Variants in MSRA observed in about 807,000 individuals in gnomAD.
MSRA encodes methionine sulfoxide reductase A, also known as mitochondrial peptide methionine sulfoxide reductase.
Under a neutral mutation model 31.3 loss-of-function variants are expected in MSRA, and 54 were observed. The ratio of observed to expected loss-of-function variants is 1.73; its 90% confidence interval spans 1.39 to 2.17. The LOEUF (loss-of-function observed/expected upper bound fraction) is 2.17, where lower values mean the gene tolerates loss of function less well. Ranked by LOEUF, MSRA falls within the 30% of genes most tolerant of loss-of-function variation. MSRA has a pLI of 0.00. For missense variants in MSRA, 507 were observed against 300.9 expected (o/e 1.69, Z -5.07); for synonymous variants, 169 against 116.5 (o/e 1.45, Z -2.90).
At chr8:10,243,928 A>T (rs1488350475) in intron 2 of MSRA, among the ~76,000 whole-genome samples, 1 of 152,112 alleles carries the variant, frequency 6.6e-6, no homozygotes, top group Non-Finnish European at 1.5e-5. Flanking sequence ...CCTATTTTTG[A>T]TTAACACATT....
At chr8:10,320,027 A>T (rs1419245469) in intron 5 of MSRA, 38 bp downstream of exon 5, 2 of 1,403,348 alleles carry the variant, frequency 1.4e-6, no homozygotes, top group Non-Finnish European at 2.0e-6. Flanking sequence ...GGCTTAGGCC[A>T]CCATGACTAG....
intron 2 of MSRA, among the ~76,000 whole-genome samples, chr8:10,231,090 C>T (rs142274441): frequency 1.5e-3 from 235 of 152,070 alleles, no homozygotes; most frequent in African/African-American, 5.4e-3. Flanking sequence ...CCAGCCTGTT[C>T]TGTAGTTTTA....
At chr8:10,106,780 A>G (rs1799909558) in intron 1 of MSRA, among the ~76,000 whole-genome samples, 1 of 152,060 alleles carries the variant, frequency 6.6e-6, no homozygotes, top group South Asian at 2.1e-4. Context: ...ACCCTTGGGA[A>G]TGTGTCCTTA....
At chr8:10,421,431 T>A (rs1162870186) in intron 5 of MSRA, among the ~76,000 whole-genome samples, 11 of 152,152 alleles carry the variant, frequency 7.2e-5, no homozygotes, top group Non-Finnish European at 1.6e-4. Flanking sequence ...AATGCCTTTC[T>A]AACCTTGCCC....
intron 5 of MSRA, among the ~76,000 whole-genome samples, chr8:10,368,539 G>A (rs1289223882): frequency 3.3e-5 from 5 of 152,230 alleles, no homozygotes; most frequent in Admixed American, 1.3e-4. Context: ...GGCCAACACC[G>A]GAGTGGGGTG....
intron 2 of MSRA, among the ~76,000 whole-genome samples, chr8:10,231,986 A>T (rs1006990588): frequency 1.3e-5 from 2 of 152,230 alleles, no homozygotes; most frequent in Non-Finnish European, 2.9e-5. Flanking sequence ...TAAAACAGGC[A>T]AAGCCAGTTT....
At chr8:10,407,678 T>C (rs1218451291) in intron 5 of MSRA, among the ~76,000 whole-genome samples, 1 of 152,120 alleles carries the variant, frequency 6.6e-6, no homozygotes, top group African/African-American at 2.4e-5. Flanking sequence ...GGCAGGATTC[T>C]GTAGGCAAGA....
At chr8:10,106,771 C>A (rs757480596) in intron 1 of MSRA, among the ~76,000 whole-genome samples, 1 of 152,124 alleles carries the variant, frequency 6.6e-6, no homozygotes, top group Non-Finnish European at 1.5e-5. Context: ...TCTCCATACA[C>A]CCTTGGGAAT....
intron 4 of MSRA, among the ~76,000 whole-genome samples, chr8:10,316,373 G>T (rs1801713379): frequency 6.6e-6 from 1 of 152,130 alleles, no homozygotes. Context: ...TTTCACCTTT[G>T]AGGGAGTGTC....
At chr8:10,281,548 A>G (rs568399066) in intron 3 of MSRA, among the ~76,000 whole-genome samples, 2 of 152,356 alleles carry the variant, frequency 1.3e-5, no homozygotes, top group South Asian at 2.1e-4. Flanking sequence ...TCCTGAAACA[A>G]TGCAAGTGCA....
At chr8:10,231,886 G>A (rs1585227819) in intron 2 of MSRA, among the ~76,000 whole-genome samples, 1 of 152,090 alleles carries the variant, frequency 6.6e-6, no homozygotes, top group Non-Finnish European at 1.5e-5. Flanking sequence ...CTGGGTGACA[G>A]AGCGAGACTT....
rs115780281 is a variant in MSRA at position 10,409,765 on chromosome 8, A to G, written c.544-18383A>G. ...GGTTGATTTAATAGACTCAATCAAG[A>G]TATTTCTTCATAGAAGCTGGGCACA... is the stretch of plus-strand genomic sequence containing the variant. On this transcript the variant is annotated intron_variant, in intron 5 of 5. Coordinates refer to ENST00000317173, the MANE Select transcript of MSRA (RefSeq NM_012331.5). 1.8e-3 allele frequency among the ~76,000 whole-genome samples: 274 copies of G among 152,352 alleles called. 5 individuals carry two copies. The highest frequency in any genetic ancestry group is 6.2e-3 in the African/African-American group (259 of 41,592).
intron 1 of MSRA, among the ~76,000 whole-genome samples, chr8:10,080,832 C>T (rs1798256411): frequency 6.6e-6 from 1 of 152,158 alleles, no homozygotes; most frequent in African/African-American, 2.4e-5. Context: ...AGCCACCGTG[C>T]CTGGCCTTGG....
chr8:10,185,786 C>G (rs920853909), intron 1 of MSRA, among the ~76,000 whole-genome samples: 2 of 152,190 alleles, frequency 1.3e-5, no homozygotes, highest in African/African-American at 4.8e-5. Context: ...CCTACGGAAA[C>G]CCACTCATCT....
intron 1 of MSRA, among the ~76,000 whole-genome samples, chr8:10,157,506 G>C (rs1488430589): frequency 6.6e-6 from 1 of 152,140 alleles, no homozygotes; most frequent in African/African-American, 2.4e-5. Context: ...AGGTGCATGA[G>C]GAGGGCTTGG....
intron 1 of MSRA, among the ~76,000 whole-genome samples, chr8:10,138,065 G>A (rs988227023): frequency 2.0e-5 from 3 of 152,266 alleles, no homozygotes; most frequent in East Asian, 1.9e-4. Flanking sequence ...GGTCACAGGC[G>A]TATATAGATG....
chr8:10,080,050 C>G (rs1399479025), intron 1 of MSRA, among the ~76,000 whole-genome samples: 3 of 152,214 alleles, frequency 2.0e-5, no homozygotes, highest in Non-Finnish European at 4.4e-5. Context: ...TGAATTAGAA[C>G]TCTAAGCCAC....
rs772054738 is a variant in MSRA at position 10,207,913 on chromosome 8, A to AT, written c.211+14dup. 6.2e-7 allele frequency: 1 copy of AT among 1,606,832 alleles called. No individual in the cohort carries two copies. Among genetic ancestry groups the AT allele is most frequent in the African/African-American group, 1.3e-5 (1 of 74,696 alleles). ...GATGGCTGTATTTGGTAAGATATCA[A>AT]TTCTGAAAGAAAACCCAAATTGTGT... On this transcript the variant is annotated intron_variant, in intron 2 of 5. Coordinates refer to ENST00000317173, the MANE Select transcript of MSRA (RefSeq NM_012331.5).
intron 1 of MSRA, among the ~76,000 whole-genome samples, chr8:10,081,764 T>A (rs886934514): frequency 6.6e-6 from 1 of 152,136 alleles, no homozygotes; most frequent in Non-Finnish European, 1.5e-5. Context: ...TCCCGGGAGA[T>A]GGGATTACAG....
Sources: gnomAD v4.1 joint callset for allele counts (sites outside exome capture counted in the v4.1 genomes callset) on GRCh38, gnomAD v4.1.1 for gene constraint, MANE v1.5 for transcripts, NCBI Gene and HGNC (gene_info 2026-07-23, HGNC 2026-07-21) for gene names.